Variants in STN1 observed in about 807,000 individuals in gnomAD.
STN1 encodes CST complex subunit STN1.
In STN1, 29 loss-of-function variants were observed where a neutral mutation model predicts 45.5. The ratio of observed to expected loss-of-function variants is 0.64; its 90% confidence interval spans 0.47 to 0.87. STN1 has a LOEUF of 0.87. STN1 is among the 40% of genes least tolerant of loss of function. The pLI is 0.00. For synonymous variants in STN1, 148 were observed against 159.0 expected (o/e 0.93, Z 0.52); for missense variants, 376 against 441.4 (o/e 0.85, Z 1.33).
In STN1 at chr10:103,910,588, C is replaced by T; in HGVS notation, c.168G>A (p.Gln56=). ...CAATGACAGTTCCCAAGACATCTAC[C>T]TGTTTTATTGGATGTCCATTGTACA... ...VFLYNGHPIK[Q]VDVLGTVIGV... Residue 56 remains glutamine, a synonymous_variant, in exon 3 of 10, where the codon CAG becomes CAA. Transcript: ENST00000224950. 6.2e-7 allele frequency: 1 copy of T among 1,610,244 alleles called. No homozygotes were observed. The highest frequency in any genetic ancestry group is 8.5e-7 in the Non-Finnish European group (1 of 1,176,930).
intron 2 of STN1, among the ~76,000 whole-genome samples, chr10:103,915,015 A>G (rs2134378749): frequency 6.6e-6 from 1 of 152,248 alleles, no homozygotes; most frequent in East Asian, 1.9e-4. Flanking sequence ...GACTCACAGG[A>G]CTCAGGAAGG....
rs767922406 is a variant in STN1 at position 103,897,553 on chromosome 10, C to T, written c.748G>A (p.Asp250Asn). 11 of 1,613,714 alleles carry T rather than the reference C, an allele frequency of 6.8e-6. No individual in the cohort carries two copies. Among genetic ancestry groups the T allele is most frequent in the Admixed American group, 6.7e-5 (4 of 59,986 alleles). ...NQPVIHSASS[D>N]QVNFKKDTTS... Reference sequence around the variant, plus strand: ...CATGGGCATGCTGCACTCACTTGGTCGGAGGAGGCACTGTGAATCACAGGC... The same window carrying T: ...CATGGGCATGCTGCACTCACTTGGTTGGAGGAGGCACTGTGAATCACAGGC... Residue 250 changes from aspartate to asparagine, a missense_variant, in exon 7 of 10, where the codon GAC becomes AAC. Physicochemically the swap from Asp to Asn is conservative, Grantham distance 23. Coordinates refer to ENST00000224950, the MANE Select transcript of STN1 (RefSeq NM_024928.5).
intron 2 of STN1, among the ~76,000 whole-genome samples, chr10:103,911,529 T>C (rs1221760458): frequency 6.6e-6 from 1 of 152,176 alleles, no homozygotes; most frequent in African/African-American, 2.4e-5. Flanking sequence ...TTATAAACTT[T>C]CATATGGTGA....
chr10:103,905,239 T>C, intron 3 of STN1, 83 bp from the exon 4 acceptor site: 1 of 1,211,952 alleles, frequency 8.3e-7, no homozygotes, highest in South Asian at 1.2e-5. Context: ...TCAGCCATAC[T>C]GAAAGATGAC....
chr10:103,900,278 A>C, intron 4 of STN1, 55 bp from the exon 5 acceptor site: 1 of 1,564,014 alleles, frequency 6.4e-7, no homozygotes, highest in South Asian at 1.1e-5. Flanking sequence ...CAATCACTCT[A>C]CCACATCTGT....
Position 103,878,638 on chromosome 10 carries a change from G to A in STN1, c.*4046C>T, listed in dbSNP as rs938259435. On this transcript the variant is annotated 3_prime_UTR_variant, in exon 10 of 10. Coordinates refer to ENST00000224950, the MANE Select transcript of STN1 (RefSeq NM_024928.5). ...ACTTGCTAATTATAAAAATGCCAAAGGATAGCTATGTGGGGTAAAAAGCAC... is the reference window on the plus strand; with the variant it reads ...ACTTGCTAATTATAAAAATGCCAAAAGATAGCTATGTGGGGTAAAAAGCAC... 2.6e-5 allele frequency: 4 copies of A among 152,214 alleles called. No homozygotes were observed. Among genetic ancestry groups the A allele is most frequent in the African/African-American group, 9.7e-5 (4 of 41,448 alleles). 9.4% of individuals were successfully genotyped at this position (152,214 alleles called of 1,614,324 possible). A position where few individuals can be genotyped will look rare whatever the true frequency, so the allele number is the denominator to read the frequency against.
At chr10:103,898,783 G>T (rs938354247) in intron 6 of STN1, 94 bp downstream of exon 6, 1 of 1,467,526 alleles carries the variant, frequency 6.8e-7, no homozygotes, top group South Asian at 1.2e-5. Flanking sequence ...TGGATGATTC[G>T]GGATTTGAAC....
Position 103,889,065 on chromosome 10 carries a change from C to G in STN1, c.949+7G>C. 1 of 1,602,462 alleles carries G rather than the reference C, an allele frequency of 6.2e-7. No individual in the cohort carries two copies. The highest frequency in any genetic ancestry group is 1.3e-5 in the African/African-American group (1 of 74,778). ...CCAGGGCATCACTTGTACATTATACCACTTACGATTTGGTTTCTGGCAGTC... is the reference window on the plus strand; with the variant it reads ...CCAGGGCATCACTTGTACATTATACGACTTACGATTTGGTTTCTGGCAGTC... On this transcript the variant is annotated splice_region_variant and intron_variant, in intron 9 of 9. Coordinates refer to ENST00000224950, the MANE Select transcript of STN1 (RefSeq NM_024928.5).
At chr10:103,899,866 A>G in intron 5 of STN1, 196 bp downstream of exon 5, 1 of 526,600 alleles carries the variant, frequency 1.9e-6, no homozygotes, top group Non-Finnish European at 3.3e-6. Context: ...TTCCCAACTT[A>G]TAATTAGCTG....
At chr10:103,897,821 T>C (rs1040171924) in intron 6 of STN1, 102 bp from the exon 7 acceptor site, 19 of 1,167,880 alleles carry the variant, frequency 1.6e-5, no homozygotes, top group Non-Finnish European at 2.2e-5. Context: ...CAACACTATA[T>C]TGGAGTTTGT....
intron 1 of STN1, 57 bp from the exon 2 acceptor site, chr10:103,917,713 G>C: frequency 8.6e-7 from 1 of 1,168,022 alleles, no homozygotes; most frequent in Non-Finnish European, 1.2e-6. Flanking sequence ...AAAGTGGCAC[G>C]GCCCTGACGC....
At chr10:103,887,199 C>T (rs1257540083) in intron 9 of STN1, among the ~76,000 whole-genome samples, 5 of 152,206 alleles carry the variant, frequency 3.3e-5, no homozygotes, top group Admixed American at 6.5e-5. Flanking sequence ...AATGAAAAGA[C>T]GTAGGCACTT....
chr10:103,889,960 C>T (rs1310787126), intron 8 of STN1, among the ~76,000 whole-genome samples: 1 of 152,144 alleles, frequency 6.6e-6, no homozygotes, highest in African/African-American at 2.4e-5. Flanking sequence ...CCGACTTGGC[C>T]TCCCAAAGTG....
rs965584715 is a variant in STN1, at chr10:103,892,305, A to G, written c.754-53T>C. 1.2e-5 allele frequency: 18 copies of G among 1,519,622 alleles called. No homozygotes were observed. The African/African-American group carries it at 2.1e-4, about 18-fold the overall frequency. The allele number at this position is 1,519,622 out of a possible 1,614,324, so 94.1% of individuals were successfully genotyped here. A position where few individuals can be genotyped will look rare whatever the true frequency, so the allele number is the denominator to read the frequency against. ...AAAGAAATAAGTCTCACCTTACGGC[A>G]CCTGAGAACAACTCCTAGACCAACT... On this transcript the variant is annotated intron_variant, in intron 7 of 9. Coordinates refer to ENST00000224950, the MANE Select transcript of STN1 (RefSeq NM_024928.5).
In STN1 at chr10:103,899,501, C is replaced by G. The variant is rs565677765; in HGVS notation, c.458-501G>C. Among the ~76,000 whole-genome samples, 8 of 152,162 alleles carry G rather than the reference C, an allele frequency of 5.3e-5. No homozygotes were observed. In the East Asian group the frequency reaches 1.5e-3, roughly 29 times the overall value. On this transcript the variant is annotated intron_variant, in intron 5 of 9. Transcript: ENST00000224950. ...CTTGAGCTCAGAAATTTGAGACCAG[C>G]CTGGACAACATGGCGAAACCCCATC... is the stretch of plus-strand genomic sequence containing the variant.
chr10:103,899,117 C>T, intron 5 of STN1, 117 bp from the exon 6 acceptor site: 4 of 1,089,342 alleles, frequency 3.7e-6, no homozygotes, highest in Non-Finnish European at 5.3e-6. Flanking sequence ...GGTGGGCCTC[C>T]TTCCTTGTGA....
rs368573691 is a variant in STN1, at chr10:103,910,518, T to G, written c.229+9A>C. On this transcript the variant is annotated intron_variant, in intron 3 of 9. Coordinates refer to ENST00000224950, the MANE Select transcript of STN1 (RefSeq NM_024928.5). ...ACATCAACTTCATTTCAGACACAAT[T>G]GTTCTTACCTCCATAACTGTAGAAA... 73 of 1,568,080 alleles carry G rather than the reference T, an allele frequency of 4.7e-5. No individual in the cohort carries two copies. The highest frequency in any genetic ancestry group is 6.4e-5 in the Non-Finnish European group (73 of 1,139,352).
At chr10:103,903,390 C>T (rs74798111) in intron 4 of STN1, among the ~76,000 whole-genome samples, 64 of 152,290 alleles carry the variant, frequency 4.2e-4, no homozygotes, top group Non-Finnish European at 4.7e-4. Flanking sequence ...TACAGTTTGA[C>T]AAAAACAAGT....
intron 9 of STN1, among the ~76,000 whole-genome samples, chr10:103,887,276 A>T (rs1730837488): frequency 1.3e-5 from 2 of 152,254 alleles, no homozygotes; most frequent in Non-Finnish European, 2.9e-5. Flanking sequence ...GACAATGTAT[A>T]TCGTCGGCTA....
Sources: allele counts gnomAD v4.1 joint callset (sites outside exome capture counted in the v4.1 genomes callset), GRCh38; gene constraint gnomAD v4.1.1; transcripts MANE v1.5; gene names NCBI Gene and HGNC (gene_info 2026-07-23, HGNC 2026-07-21).